TMEM117: variants seen among roughly 807,000 people sequenced by gnomAD.
TMEM117 encodes the protein transmembrane protein 117.
In TMEM117, 27 loss-of-function variants were observed where a neutral mutation model predicts 52.4. The observed-to-expected ratio is 0.51, with a 90% CI of 0.38 to 0.71. The LOEUF is 0.71. Among genes scored for constraint, TMEM117 ranks in the 30% least tolerant of loss-of-function variants. The pLI is 0.00. For missense variants in TMEM117, 556 were observed against 630.5 expected (o/e 0.88, Z 1.26); for synonymous variants, 215 against 206.3 (o/e 1.04, Z -0.36).
chr12:43,981,498 G>T (rs1428008399), intron 3 of TMEM117, among the ~76,000 whole-genome samples: 2 of 152,150 alleles, frequency 1.3e-5, no homozygotes, highest in Non-Finnish European at 2.9e-5. Flanking sequence ...AAACTAAAGT[G>T]CCTGCTTTGT....
At chr12:44,126,439 C>G (rs945504693) in intron 3 of TMEM117, among the ~76,000 whole-genome samples, 3 of 152,138 alleles carry the variant, frequency 2.0e-5, no homozygotes, top group African/African-American at 7.2e-5. Flanking sequence ...TTAGATTTAA[C>G]AAATATTCTC....
intron 6 of TMEM117, among the ~76,000 whole-genome samples, chr12:44,329,420 A>G (rs1340957326): frequency 6.6e-6 from 1 of 152,122 alleles, no homozygotes; most frequent in Non-Finnish European, 1.5e-5. Context: ...AATAGTCTTC[A>G]GAAAGATGTA....
In TMEM117 at chr12:44,207,428, C is replaced by A. The variant is rs141040471; in HGVS notation, c.511-3862C>A. ...GAATCATACAGAATGTCAATTAATA[C>A]TCAGTTTTGTCACACAAATATTTTA... On this transcript the variant is annotated intron_variant, in intron 4 of 7. Coordinates refer to ENST00000266534, the MANE Select transcript of TMEM117 (RefSeq NM_032256.3). 8.2e-3 allele frequency among the ~76,000 whole-genome samples: 1,242 copies of A among 152,276 alleles called. 13 individuals carry two copies. Among genetic ancestry groups the A allele is most frequent in the African/African-American group, 0.028 (1,183 of 41,564 alleles).
chr12:44,097,629 A>G (rs1398964420), intron 3 of TMEM117, among the ~76,000 whole-genome samples: 1 of 146,568 alleles, frequency 6.8e-6, no homozygotes, highest in Non-Finnish European at 1.5e-5. Flanking sequence ...AAAACCAAAC[A>G]CCGCATGTTC....
the TMEM117 span, among the ~76,000 whole-genome samples, chr12:44,395,346 C>G: frequency 5.9e-5 from 9 of 152,304 alleles, no homozygotes; most frequent in African/African-American, 2.2e-4. Context: ...TATTCCCCAT[C>G]ATTATCACTA....
intron 6 of TMEM117, among the ~76,000 whole-genome samples, chr12:44,317,292 A>G (rs950329890): frequency 5.3e-5 from 7 of 132,716 alleles, no homozygotes; most frequent in Non-Finnish European, 1.1e-4. Context: ...TATTATATAT[A>G]TATATATGTT....
At chr12:43,802,295 A>C in the TMEM117 span, 1 of 1,538,142 alleles carries the variant, frequency 6.5e-7, no homozygotes, top group African/African-American at 1.4e-5. Flanking sequence ...CATGAGAATG[A>C]TCTGGAGACC....
chr12:43,992,754 C>A (rs1031315172), intron 3 of TMEM117, among the ~76,000 whole-genome samples: 1 of 152,142 alleles, frequency 6.6e-6, no homozygotes, highest in African/African-American at 2.4e-5. Flanking sequence ...CATTATTGGA[C>A]CCCATTTTGC....
At chr12:44,133,847 G>A (rs965446137) in intron 3 of TMEM117, among the ~76,000 whole-genome samples, 1 of 151,936 alleles carries the variant, frequency 6.6e-6, no homozygotes, top group Non-Finnish European at 1.5e-5. Context: ...CTCAATTCCA[G>A]GGCCCCTCTC....
At chr12:44,363,482 T>G (rs916276680) in intron 6 of TMEM117, among the ~76,000 whole-genome samples, 3 of 152,172 alleles carry the variant, frequency 2.0e-5, no homozygotes, top group Non-Finnish European at 2.9e-5. Context: ...TATTTTAGAT[T>G]ATTGCATGAG....
intron 4 of TMEM117, among the ~76,000 whole-genome samples, chr12:44,150,815 CT>C (rs1210069225): frequency 6.6e-6 from 1 of 151,736 alleles, no homozygotes; most frequent in African/African-American, 2.4e-5. Context: ...ATTTTCATGA[CT>C]TTTGGAATTA....
chr12:43,799,612 A>T, the TMEM117 span: 1 of 556,870 alleles, frequency 1.8e-6, no homozygotes, highest in Admixed American at 3.8e-5. Context: ...AATGAAAATA[A>T]ATAGCATTAT....
chr12:44,311,857 GTATATATATGTA>G (rs1302340222), intron 6 of TMEM117, among the ~76,000 whole-genome samples: 18 of 106,716 alleles, frequency 1.7e-4, no homozygotes, highest in African/African-American at 3.3e-4. Flanking sequence ...ATGTATATAT[GTATATATATGTA>G]TATATATGTA....
At chr12:44,127,903 A>G (rs1469114136) in intron 3 of TMEM117, among the ~76,000 whole-genome samples, 1 of 151,404 alleles carries the variant, frequency 6.6e-6, no homozygotes. Context: ...TGTGTATGCC[A>G]ATGTCTGTCT....
intron 5 of TMEM117, among the ~76,000 whole-genome samples, chr12:44,282,399 C>T (rs1950588941): frequency 6.6e-6 from 1 of 152,072 alleles, no homozygotes; most frequent in African/African-American, 2.4e-5. Flanking sequence ...AACTTCTTAG[C>T]GACTTACTGA....
At chr12:44,090,839 G>GTTTTT (rs1264179472) in intron 3 of TMEM117, among the ~76,000 whole-genome samples, 1,242 of 104,564 alleles carry the variant, frequency 0.012, 106 homozygotes, top group African/African-American at 0.039. Context: ...GTATTTATGT[G>GTTTTT]TTTTTTTTTG....
chr12:44,094,160 T>C (rs1014939840), intron 3 of TMEM117, among the ~76,000 whole-genome samples: 3 of 152,146 alleles, frequency 2.0e-5, no homozygotes, highest in Admixed American at 1.3e-4. Context: ...CTATGCTTGA[T>C]TCAATTTAAA....
At chr12:43,959,091 G>T (rs1189203580) in intron 3 of TMEM117, among the ~76,000 whole-genome samples, 2 of 152,146 alleles carry the variant, frequency 1.3e-5, no homozygotes, top group Admixed American at 6.5e-5. Context: ...ACAGGCGTGA[G>T]CCACCGCGCC....
intron 4 of TMEM117, among the ~76,000 whole-genome samples, chr12:44,186,175 A>G (rs1472781274): frequency 6.6e-6 from 1 of 152,194 alleles, no homozygotes; most frequent in Non-Finnish European, 1.5e-5. Context: ...GAGTCCTGAT[A>G]ATGAGATGTG....
Sources: gnomAD v4.1 joint callset for allele counts (sites outside exome capture counted in the v4.1 genomes callset) on GRCh38, gnomAD v4.1.1 for gene constraint, MANE v1.5 for transcripts, NCBI Gene and HGNC (gene_info 2026-07-23, HGNC 2026-07-21) for gene names.